The following SYN3 variants were observed in gnomAD, a reference collection of about 807,000 sequenced individuals.
The protein encoded by SYN3 is synapsin III.
Under a neutral mutation model 65.8 loss-of-function variants are expected in SYN3, and 35 were observed. The ratio of observed to expected loss-of-function variants is 0.53; its 90% CI spans 0.41 to 0.70. The LOEUF (loss-of-function observed/expected upper bound fraction) is 0.70, where lower values mean the gene tolerates loss of function less well. Ranked by LOEUF, SYN3 falls within the 30% of genes least tolerant of loss-of-function variation. The probability of loss-of-function intolerance (pLI) is 0.00; values close to 1 mark genes in which losing one functional copy is unlikely to be tolerated. For missense variants in SYN3, 680 were observed against 749.0 expected (o/e 0.91, Z 1.08); for synonymous variants, 270 against 292.9 (o/e 0.92, Z 0.80).
intron 6 of SYN3, among the ~76,000 whole-genome samples, chr22:32,671,333 C>T (rs2060359244): frequency 6.6e-6 from 1 of 151,888 alleles, no homozygotes; most frequent in Non-Finnish European, 1.5e-5. Flanking sequence ...CACATACACA[C>T]ACCCATCCAC....
intron 6 of SYN3, among the ~76,000 whole-genome samples, chr22:32,835,411 T>A (rs2047701628): frequency 6.6e-6 from 1 of 152,160 alleles, no homozygotes; most frequent in Admixed American, 6.5e-5. Context: ...AACATATAGT[T>A]ACATACACAC....
chr22:32,673,427 T>C (rs1428120467), intron 6 of SYN3, among the ~76,000 whole-genome samples: 1 of 152,218 alleles, frequency 6.6e-6, no homozygotes, highest in East Asian at 1.9e-4. Context: ...CGTTCGGTCA[T>C]TGCTCATGGA....
chr22:32,590,299 A>T (rs977053297), intron 7 of SYN3, among the ~76,000 whole-genome samples: 2 of 152,238 alleles, frequency 1.3e-5, no homozygotes, highest in Non-Finnish European at 2.9e-5. Context: ...GAACTATAGA[A>T]ATAGGCAATC....
intron 6 of SYN3, among the ~76,000 whole-genome samples, chr22:32,723,115 C>T (rs950723093): frequency 1.5e-4 from 23 of 152,306 alleles, no homozygotes; most frequent in Non-Finnish European, 2.5e-4. Context: ...TCTGAGATCA[C>T]ACCTACTGCG....
At chr22:32,965,169 C>A (rs559538001) in intron 3 of SYN3, among the ~76,000 whole-genome samples, 5 of 152,296 alleles carry the variant, frequency 3.3e-5, no homozygotes, top group East Asian at 3.9e-4. Context: ...TAAATGTATA[C>A]AGATAAACTG....
intron 6 of SYN3, chr22:32,861,789 C>A (rs2048547037): frequency 6.6e-6 from 1 of 152,564 alleles, no homozygotes; most frequent in Non-Finnish European, 1.5e-5. Context: ...TTATTTCACC[C>A]GTTCACTTAC....
At position 32,512,096 on chromosome 22, in the gene SYN3, C is replaced by T. The variant is rs2057697131; in HGVS notation, c.*1596G>A. 6.6e-6 allele frequency among the ~76,000 whole-genome samples: 1 copy of T among 152,222 alleles called. No homozygotes were observed. Among genetic ancestry groups the T allele is most frequent in the Non-Finnish European group, 1.5e-5 (1 of 68,044 alleles). Reference sequence around the variant, plus strand: ...TCCAATGCCCACAGAAGGAGAGGGTCTCTGGCCCTGACGTCACCACTCCAG... The same window carrying T: ...TCCAATGCCCACAGAAGGAGAGGGTTTCTGGCCCTGACGTCACCACTCCAG... On this transcript the variant is annotated 3_prime_UTR_variant, in exon 14 of 14. Coordinates refer to ENST00000358763, the MANE Select transcript of SYN3 (RefSeq NM_003490.4).
chr22:32,880,812 C>T (rs902101063), intron 4 of SYN3, among the ~76,000 whole-genome samples: 4 of 152,200 alleles, frequency 2.6e-5, no homozygotes, highest in African/African-American at 7.2e-5. Context: ...ACAAGTTGCG[C>T]GTCTCGTAAA....
chr22:32,528,117 A>T, intron 11 of SYN3, 112 bp from the exon 12 acceptor site: 1 of 839,608 alleles, frequency 1.2e-6, no homozygotes, highest in South Asian at 1.8e-5. Flanking sequence ...ACTCTTACAC[A>T]TAAAGTGTAC....
intron 6 of SYN3, among the ~76,000 whole-genome samples, chr22:32,717,577 G>C (rs2061056032): frequency 6.6e-6 from 1 of 152,160 alleles, no homozygotes; most frequent in African/African-American, 2.4e-5. Context: ...TGGGGGTGGT[G>C]GTGGGGGTTA....
At chr22:32,689,758 C>T (rs1325592633) in intron 6 of SYN3, among the ~76,000 whole-genome samples, 1 of 152,004 alleles carries the variant, frequency 6.6e-6, no homozygotes, top group African/African-American at 2.4e-5. Flanking sequence ...TGTTTATGCC[C>T]TCTCAATAGT....
At chr22:32,655,960 A>C (rs2060136787) in intron 6 of SYN3, among the ~76,000 whole-genome samples, 1 of 152,134 alleles carries the variant, frequency 6.6e-6, no homozygotes, top group African/African-American at 2.4e-5. Flanking sequence ...TCACCACTTC[A>C]TGACCATTGG....
chr22:32,802,468 C>T (rs1359414541), intron 6 of SYN3, among the ~76,000 whole-genome samples: 3 of 150,632 alleles, frequency 2.0e-5, no homozygotes. Context: ...AAAGGGTTCC[C>T]AAAACTTGGA....
chr22:32,727,594 T>C (rs2061213416), intron 6 of SYN3, among the ~76,000 whole-genome samples: 1 of 152,240 alleles, frequency 6.6e-6, no homozygotes, highest in Non-Finnish European at 1.5e-5. Flanking sequence ...TAATTTATGC[T>C]CCTACCAACG....
rs118002164 is a variant in SYN3 at position 32,528,708 on chromosome 22, C to T, written c.1230+166G>A. ...TCCTCAATTCACTTACTGGGGCAGG[C>T]TGTGAAAGCTCTCCCCAATGTCTGG... On this transcript the variant is annotated intron_variant, in intron 11 of 13. Coordinates refer to ENST00000358763, the MANE Select transcript of SYN3 (RefSeq NM_003490.4). 4.5e-4 allele frequency among the ~76,000 whole-genome samples: 69 copies of T among 152,340 alleles called. 2 individuals carry two copies. In the East Asian group the frequency reaches 0.013, roughly 29 times the overall value.
chr22:32,637,179 T>A (rs910278077), intron 6 of SYN3, among the ~76,000 whole-genome samples: 1 of 152,160 alleles, frequency 6.6e-6, no homozygotes, highest in Non-Finnish European at 1.5e-5. Flanking sequence ...CAAAGTGAAG[T>A]GTTGTAATAG....
chr22:32,970,578 C>T (rs557446534), intron 3 of SYN3, among the ~76,000 whole-genome samples: 2 of 148,604 alleles, frequency 1.3e-5, no homozygotes, highest in East Asian at 2.0e-4. Context: ...AAGGTAAAGA[C>T]GGAGAGCTAC....
At position 32,781,192 on chromosome 22, in the gene SYN3, G is replaced by A. The variant is rs549201163; in HGVS notation, c.711+83723C>T. Among the ~76,000 whole-genome samples the A allele has an allele frequency of 2.6e-5, 4 of 151,794 alleles. No homozygotes were observed. The East Asian group carries it at 7.8e-4, about 29-fold the overall frequency. On this transcript the variant is annotated intron_variant, in intron 6 of 13. Coordinates refer to ENST00000358763, the MANE Select transcript of SYN3 (RefSeq NM_003490.4). ...CAAGACCTGCAAGGCTCAATAGCTC[G>A]TAGTCTTGTCCAAGGTTCCACAGAC...
chr22:32,633,420 C>A (rs947743485), intron 6 of SYN3, among the ~76,000 whole-genome samples: 2 of 152,018 alleles, frequency 1.3e-5, no homozygotes, highest in East Asian at 3.9e-4. Flanking sequence ...TCTCCCCCTG[C>A]CCTTCCCCCA....
Sources: allele counts gnomAD v4.1 joint callset (sites outside exome capture counted in the v4.1 genomes callset), GRCh38; gene constraint gnomAD v4.1.1; transcripts MANE v1.5; gene names NCBI Gene and HGNC (gene_info 2026-07-23, HGNC 2026-07-21).